Variants in THSD7B observed in about 807,000 individuals in gnomAD.
THSD7B encodes thrombospondin type-1 domain-containing protein 7B.
A neutral mutation model predicts 213.6 loss-of-function variants in THSD7B; 138 were observed. That is an observed-to-expected ratio of 0.65 (90% CI 0.56 to 0.74). The LOEUF is 0.74. Ranked by LOEUF, THSD7B falls within the 30% of genes least tolerant of loss-of-function variation. The pLI, the probability that THSD7B is intolerant of heterozygous loss-of-function variation, is 0.00. For synonymous variants in THSD7B, 742 were observed against 687.0 expected (o/e 1.08, Z -1.25); for missense variants, 1,931 against 1,991.5 (o/e 0.97, Z 0.58).
intron 16 of THSD7B, among the ~76,000 whole-genome samples, chr2:137,568,086 G>A (rs957191805): frequency 6.6e-6 from 1 of 152,142 alleles, no homozygotes; most frequent in Non-Finnish European, 1.5e-5. Flanking sequence ...GGTTTACTGA[G>A]ATAAGAATTC....
At chr2:137,208,733 C>T (rs1371719247) in intron 7 of THSD7B, among the ~76,000 whole-genome samples, 2 of 152,082 alleles carry the variant, frequency 1.3e-5, no homozygotes, top group Non-Finnish European at 2.9e-5. Context: ...AAATTGTCCT[C>T]AAGCACTGAG....
rs758932887 is a variant in THSD7B at position 137,233,025 on chromosome 2, C to T, written c.2042C>T (p.Ala681Val). ...TGTTCTGAGGACACATTGGTAACTG[C>T]CCTTAATGCAACCATTGGCTGGAAT... ...GPCSEDTLVTALNATIGWNGE... is the reference protein window; with the variant it reads ...GPCSEDTLVTVLNATIGWNGE... The change falls in exon 9 of 28, where the codon GCC becomes GTC. Residue 681 changes from alanine to valine, a missense_variant. Physicochemically the swap from Ala to Val is moderately conservative, Grantham distance 64. Coordinates refer to ENST00000409968, the MANE Select transcript of THSD7B (RefSeq NM_001316349.2). 1 of 1,613,922 alleles carries T rather than the reference C, an allele frequency of 6.2e-7. No individual in the cohort carries two copies. Among genetic ancestry groups the T allele is most frequent in the East Asian group, 2.2e-5 (1 of 44,878 alleles).
intron 12 of THSD7B, among the ~76,000 whole-genome samples, chr2:137,399,520 C>T (rs1285685368): frequency 1.3e-5 from 2 of 152,078 alleles, no homozygotes; most frequent in African/African-American, 2.4e-5. Flanking sequence ...AACACCTTCC[C>T]ATTCTCTTCT....
intron 1 of THSD7B, among the ~76,000 whole-genome samples, chr2:136,872,382 CGG>C (rs948614774): frequency 4.6e-5 from 1 of 21,546 alleles, no homozygotes; most frequent in African/African-American, 2.1e-4. Flanking sequence ...ATACTTTTTT[CGG>C]GGGGGTGGGG....
intron 12 of THSD7B, among the ~76,000 whole-genome samples, chr2:137,385,126 C>T (rs1685861921): frequency 6.6e-6 from 1 of 152,118 alleles, no homozygotes; most frequent in African/African-American, 2.4e-5. Flanking sequence ...ACCCAGGTGC[C>T]ATCTTGGGAG....
intron 27 of THSD7B, 27 bp downstream of exon 27, chr2:137,667,888 T>C: frequency 6.6e-7 from 1 of 1,518,346 alleles, no homozygotes; most frequent in Non-Finnish European, 8.9e-7. Flanking sequence ...AAAAAGTTTA[T>C]GTTCCGTATT....
intron 15 of THSD7B, among the ~76,000 whole-genome samples, chr2:137,486,435 A>G (rs1688446029): frequency 6.6e-6 from 1 of 151,628 alleles, no homozygotes; most frequent in Non-Finnish European, 1.5e-5. Context: ...TTCAACAAGA[A>G]GAGCTAACTA....
chr2:136,929,412 T>C (rs894912260), intron 2 of THSD7B, among the ~76,000 whole-genome samples: 1 of 152,224 alleles, frequency 6.6e-6, no homozygotes, highest in Admixed American at 6.6e-5. Flanking sequence ...TTAAAGTACG[T>C]ACATCTTGTT....
chr2:137,660,615 T>C (rs1294987367), intron 25 of THSD7B, among the ~76,000 whole-genome samples: 1 of 152,214 alleles, frequency 6.6e-6, no homozygotes, highest in Non-Finnish European at 1.5e-5. Context: ...TTTCACCAAC[T>C]CTCTGGATGT....
intron 2 of THSD7B, among the ~76,000 whole-genome samples, chr2:136,994,458 T>C (rs1685844216): frequency 6.6e-6 from 1 of 151,982 alleles, no homozygotes; most frequent in Non-Finnish European, 1.5e-5. Flanking sequence ...TCCCAGCTAC[T>C]TGGGAGGCTG....
chr2:137,517,383 G>A (rs575020119), intron 15 of THSD7B, among the ~76,000 whole-genome samples: 4 of 152,172 alleles, frequency 2.6e-5, no homozygotes, highest in Non-Finnish European at 5.9e-5. Context: ...GCCAGAGGAT[G>A]GGAAATAAAT....
rs546312295 is a variant in THSD7B, at chr2:137,239,391, C to G, written c.2151-3066C>G. ...ATATAAAAAGGTGAACAGTTGGAAG[C>G]CTTATGCCACCCCGGCTCTCATTCA... On this transcript the variant is annotated intron_variant, in intron 9 of 27. Transcript: ENST00000409968. Among the ~76,000 whole-genome samples, 36 of 152,236 alleles carry G rather than the reference C, an allele frequency of 2.4e-4. 1 individual carries two copies. The highest frequency in any genetic ancestry group is 2.2e-3 in the Admixed American group (33 of 15,296).
At chr2:137,395,374 G>A (rs903029176) in intron 12 of THSD7B, among the ~76,000 whole-genome samples, 1 of 150,160 alleles carries the variant, frequency 6.7e-6, no homozygotes, top group African/African-American at 2.5e-5. Context: ...TAGCATGAAG[G>A]GTTGTTGAAT....
intron 7 of THSD7B, among the ~76,000 whole-genome samples, chr2:137,223,042 C>G (rs1681406766): frequency 6.6e-6 from 1 of 152,154 alleles, no homozygotes; most frequent in Non-Finnish European, 1.5e-5. Flanking sequence ...TGTTTAGGCA[C>G]AGAGTGGGCC....
At chr2:137,550,026 C>T (rs1206007099) in intron 15 of THSD7B, among the ~76,000 whole-genome samples, 1 of 152,026 alleles carries the variant, frequency 6.6e-6, no homozygotes, top group Non-Finnish European at 1.5e-5. Context: ...TCCAAAATCC[C>T]ATCTGATTTC....
chr2:137,223,912 C>A (rs1274856817), intron 7 of THSD7B, among the ~76,000 whole-genome samples: 1 of 152,136 alleles, frequency 6.6e-6, no homozygotes, highest in Non-Finnish European at 1.5e-5. Context: ...CCCCCGCTTC[C>A]TCCTAACTCA....
At chr2:137,103,663 C>T (rs1352987113) in intron 4 of THSD7B, among the ~76,000 whole-genome samples, 2 of 150,556 alleles carry the variant, frequency 1.3e-5, no homozygotes, top group Admixed American at 6.6e-5. Flanking sequence ...CACACATAGG[C>T]TGAAAATAAA....
At chr2:137,384,358 G>C (rs1023088366) in intron 12 of THSD7B, among the ~76,000 whole-genome samples, 4 of 152,192 alleles carry the variant, frequency 2.6e-5, no homozygotes, top group Admixed American at 2.6e-4. Flanking sequence ...TCTGCAACCT[G>C]TCTGCCATTA....
rs141249835 is a variant in THSD7B, at chr2:137,479,404, G to C, written c.3138+28381G>C. 1.7e-3 allele frequency: 468 copies of C among 281,732 alleles called. 1 individual carries two copies. Among genetic ancestry groups the C allele is most frequent in the African/African-American group, 0.01 (448 of 44,576 alleles). 17.5% of individuals were successfully genotyped at this position (281,732 alleles called of 1,614,324 possible). A position where few individuals can be genotyped will look rare whatever the true frequency, so the allele number is the denominator to read the frequency against. ...GCTGGGCTTGGTGGGCCTGTCCTCT[G>C]GCTTCCCAGTGGTGCATGCAGGTGC... On this transcript the variant is annotated intron_variant, in intron 15 of 27. Coordinates refer to ENST00000409968, the MANE Select transcript of THSD7B (RefSeq NM_001316349.2).
Sources: gnomAD v4.1 joint callset for allele counts (sites outside exome capture counted in the v4.1 genomes callset) on GRCh38, gnomAD v4.1.1 for gene constraint, MANE v1.5 for transcripts, NCBI Gene and HGNC (gene_info 2026-07-23, HGNC 2026-07-21) for gene names.